The following CDH13 variants were observed in gnomAD, a reference collection of about 807,000 sequenced individuals.
CDH13 encodes the protein cadherin 13, also known as cadherin-13.
Under a neutral mutation model 63.8 loss-of-function variants are expected in CDH13, and 24 were observed. The ratio of observed to expected loss-of-function variants is 0.38; its 90% CI spans 0.27 to 0.53. CDH13 has a LOEUF of 0.53. CDH13 is among the 20% of genes least tolerant of loss of function. The pLI is 0.85. For missense variants in CDH13, 1,049 were observed against 903.1 expected (o/e 1.16, Z -2.07); for synonymous variants, 503 against 355.3 (o/e 1.42, Z -4.67).
intron 8 of CDH13, among the ~76,000 whole-genome samples, chr16:83,605,923 T>C (rs1908286703): frequency 6.6e-6 from 1 of 152,110 alleles, no homozygotes; most frequent in African/African-American, 2.4e-5. Flanking sequence ...ATCTGTAAAA[T>C]GCATCACTAT....
At chr16:83,042,511 G>A (rs544740241) in intron 3 of CDH13, among the ~76,000 whole-genome samples, 32 of 152,198 alleles carry the variant, frequency 2.1e-4, no homozygotes, top group Middle Eastern at 3.4e-3. Flanking sequence ...ATTATGGTGC[G>A]TTGTATACTT....
chr16:83,512,419 C>G (rs1382596730), intron 7 of CDH13, among the ~76,000 whole-genome samples: 1 of 150,094 alleles, frequency 6.7e-6, no homozygotes. Flanking sequence ...GCCTGTAATC[C>G]CAGCACTTTG....
At chr16:83,187,373 T>C (rs952879231) in intron 4 of CDH13, among the ~76,000 whole-genome samples, 8 of 152,204 alleles carry the variant, frequency 5.3e-5, no homozygotes, top group Non-Finnish European at 1.5e-5. Flanking sequence ...TGTTGCTCTT[T>C]GAATCCTCTC....
At chr16:83,496,208 C>G (rs1341794194) in intron 7 of CDH13, among the ~76,000 whole-genome samples, 1 of 151,646 alleles carries the variant, frequency 6.6e-6, no homozygotes, top group Non-Finnish European at 1.5e-5. Flanking sequence ...CCAAGTCAAT[C>G]CTAAGCCAAA....
At chr16:82,798,458 G>C (rs185370692) in intron 1 of CDH13, among the ~76,000 whole-genome samples, 134 of 152,264 alleles carry the variant, frequency 8.8e-4, no homozygotes, top group Non-Finnish European at 1.0e-3. Context: ...GTGATGGTGT[G>C]ATTAGACTTC....
At chr16:82,928,193 CGT>C (rs1386508258) in intron 2 of CDH13, among the ~76,000 whole-genome samples, 1 of 141,628 alleles carries the variant, frequency 7.1e-6, no homozygotes, top group Non-Finnish European at 1.5e-5. Context: ...TGTGTGTATG[CGT>C]GTGTAATCCA....
At chr16:82,824,838 T>C (rs191259261) in intron 1 of CDH13, 1 of 152,350 alleles carries the variant, frequency 6.6e-6, no homozygotes, top group Admixed American at 6.5e-5. Flanking sequence ...TTTGTTAGAA[T>C]AATATGAACA....
At chr16:83,682,375 A>G (rs6563968) in intron 10 of CDH13, among the ~76,000 whole-genome samples, 11 of 151,876 alleles carry the variant, frequency 7.2e-5, no homozygotes, top group African/African-American at 2.7e-4. Context: ...CAGCTGTACA[A>G]GGTCGTTCAT....
At chr16:82,691,591 C>G (rs377612100) in intron 1 of CDH13, among the ~76,000 whole-genome samples, 4 of 152,094 alleles carry the variant, frequency 2.6e-5, no homozygotes, top group East Asian at 3.9e-4. Context: ...CTACCTGTAT[C>G]CAGGTCCTTC....
At chr16:82,747,640 G>C (rs561278388) in intron 1 of CDH13, among the ~76,000 whole-genome samples, 1 of 152,278 alleles carries the variant, frequency 6.6e-6, no homozygotes, top group African/African-American at 2.4e-5. Context: ...AGAGTTTGAG[G>C]ACCACTGCTT....
intron 5 of CDH13, among the ~76,000 whole-genome samples, chr16:83,311,620 T>C (rs77055246): frequency 0.079 from 12,050 of 152,316 alleles, 658 homozygotes; most frequent in Non-Finnish European, 0.12. Context: ...ATGCAGTTCA[T>C]GCAGTTACTA....
At chr16:83,652,279 T>C (rs1912454970) in intron 8 of CDH13, among the ~76,000 whole-genome samples, 1 of 152,248 alleles carries the variant, frequency 6.6e-6, no homozygotes, top group Admixed American at 6.5e-5. Context: ...TATGAATTTA[T>C]ACAAATCCCT....
chr16:83,236,155 A>G (rs1241351214), intron 5 of CDH13, among the ~76,000 whole-genome samples: 1 of 152,118 alleles, frequency 6.6e-6, no homozygotes, highest in Non-Finnish European at 1.5e-5. Context: ...AAGGATTTAG[A>G]TATTAATATA....
chr16:83,667,024 T>G (rs1294578088), intron 8 of CDH13, among the ~76,000 whole-genome samples: 2 of 47,340 alleles, frequency 4.2e-5, no homozygotes, highest in African/African-American at 1.3e-4. Flanking sequence ...GATGGATGGA[T>G]GGATGGGTGG....
intron 4 of CDH13, among the ~76,000 whole-genome samples, chr16:83,168,466 T>C (rs908163099): frequency 6.6e-6 from 1 of 152,068 alleles, no homozygotes; most frequent in Admixed American, 6.6e-5. Flanking sequence ...CAAATGCTAA[T>C]AGTAGCTATT....
intron 2 of CDH13, among the ~76,000 whole-genome samples, chr16:82,892,818 T>A (rs777681697): frequency 6.6e-6 from 1 of 152,234 alleles, no homozygotes; most frequent in Non-Finnish European, 1.5e-5. Context: ...TTGCATCTTG[T>A]AACCCTTTAG....
At chr16:83,029,417 C>T (rs4591132) in intron 2 of CDH13, among the ~76,000 whole-genome samples, 56,426 of 151,798 alleles carry the variant, frequency 0.37, 10,713 homozygotes, top group Non-Finnish European at 0.4. Context: ...AGATACCAGT[C>T]GAGAGTAGGA....
At chr16:82,672,215 TAATAAC>T (rs1405467403) in intron 1 of CDH13, among the ~76,000 whole-genome samples, 2 of 152,174 alleles carry the variant, frequency 1.3e-5, no homozygotes, top group African/African-American at 4.8e-5. Context: ...AAAATAGAAA[TAATAAC>T]AATAACTATC....
intron 4 of CDH13, among the ~76,000 whole-genome samples, chr16:83,198,554 A>AT (rs374166287): frequency 1.3e-5 from 2 of 152,314 alleles, no homozygotes; most frequent in African/African-American, 4.8e-5. Context: ...ATCTTGATGG[A>AT]TAGTTCAAAA....
Sources: allele counts gnomAD v4.1 joint callset (sites outside exome capture counted in the v4.1 genomes callset), GRCh38; gene constraint gnomAD v4.1.1; transcripts MANE v1.5; gene names NCBI Gene and HGNC (gene_info 2026-07-23, HGNC 2026-07-21).